The following CRACR2A variants were observed in gnomAD, a reference collection of about 807,000 sequenced individuals.
CRACR2A encodes the protein EF-hand calcium-binding domain-containing protein 4B.
A neutral mutation model predicts 90.5 loss-of-function variants in CRACR2A; 79 were observed. That is an observed-to-expected ratio of 0.87 (90% CI 0.73 to 1.05). CRACR2A has a LOEUF of 1.05. CRACR2A is among the 50% of genes least tolerant of loss of function. The pLI is 0.00. For missense variants in CRACR2A, 823 were observed against 897.2 expected, an observed-to-expected ratio of 0.92 and a Z score of 1.06; for synonymous variants, 338 against 356.7, an observed-to-expected ratio of 0.95 and a Z score of 0.59.
intron 11 of CRACR2A, among the ~76,000 whole-genome samples, chr12:3,646,260 G>A (rs73047209): frequency 0.034 from 5,104 of 152,308 alleles, 110 homozygotes; most frequent in Middle Eastern, 0.11. Flanking sequence ...GAGGTGGAGA[G>A]GGCAGGCCAG....
chr12:3,632,558 C>T lies in CRACR2A; in HGVS notation c.1735+1046G>A, dbSNP rs563385689. Among the ~76,000 whole-genome samples the T allele has an allele frequency of 9.9e-4, 150 of 152,280 alleles. 1 individual carries two copies. The highest frequency in any genetic ancestry group is 1.9e-3 in the Non-Finnish European group (128 of 68,030). ...CTCCAGAGGCAGAAAAGCATCTTCA[C>T]CTCTCATGGGGTGCTAAGTGCATAC... On this transcript the variant is annotated intron_variant, in intron 15 of 19. Transcript: ENST00000440314.
intron 19 of CRACR2A, 89 bp downstream of exon 19, chr12:3,616,865 G>T: frequency 9.6e-7 from 1 of 1,038,042 alleles, no homozygotes; most frequent in South Asian, 1.4e-5. Flanking sequence ...TCAGAGGTGT[G>T]GCCTGGGTGG....
chr12:3,664,349 T>C (rs1945090027), intron 7 of CRACR2A, among the ~76,000 whole-genome samples: 1 of 152,248 alleles, frequency 6.6e-6, no homozygotes, highest in Non-Finnish European at 1.5e-5. Context: ...TATTCATTGA[T>C]GGCTTCAAAT....
intron 2 of CRACR2A, among the ~76,000 whole-genome samples, chr12:3,718,293 CCT>C (rs1294065446): frequency 2.6e-5 from 4 of 152,354 alleles, no homozygotes; most frequent in Non-Finnish European, 4.4e-5. Flanking sequence ...GGGCATCCTT[CCT>C]CTTTTTGCAT....
At chr12:3,630,414 C>T (rs61907752) in intron 15 of CRACR2A, among the ~76,000 whole-genome samples, 42,447 of 151,940 alleles carry the variant, frequency 0.28, 6,225 homozygotes, top group South Asian at 0.37. Flanking sequence ...TGGAGAAATA[C>T]CCTAGGGGGC....
chr12:3,616,025 C>G (rs558665662), intron 19 of CRACR2A, among the ~76,000 whole-genome samples: 1 of 152,218 alleles, frequency 6.6e-6, no homozygotes, highest in East Asian at 1.9e-4. Flanking sequence ...TTTTGCGTTA[C>G]GCACCTCCTT....
At chr12:3,660,197 T>C (rs1192045675) in intron 7 of CRACR2A, among the ~76,000 whole-genome samples, 1 of 152,192 alleles carries the variant, frequency 6.6e-6, no homozygotes, top group Non-Finnish European at 1.5e-5. Context: ...TGCCTGAGTT[T>C]GTGTGATCCA....
chr12:3,735,103 TG>T (rs1331625134), intron 1 of CRACR2A, among the ~76,000 whole-genome samples: 2 of 152,234 alleles, frequency 1.3e-5, no homozygotes, highest in African/African-American at 2.4e-5. Flanking sequence ...TTGAATTCTA[TG>T]TTAACCAACT....
intron 4 of CRACR2A, among the ~76,000 whole-genome samples, chr12:3,692,523 G>A (rs1945666920): frequency 1.3e-5 from 2 of 151,146 alleles, no homozygotes; most frequent in South Asian, 4.2e-4. Flanking sequence ...GTGGGGGTGG[G>A]GTTGGGGGTG....
At chr12:3,645,246 T>TA (rs1323009829) in intron 11 of CRACR2A, among the ~76,000 whole-genome samples, 1 of 152,174 alleles carries the variant, frequency 6.6e-6, no homozygotes, top group African/African-American at 2.4e-5. Context: ...ACGCCCTCAC[T>TA]AATAAGACAG....
At chr12:3,666,327 C>CTGCG (rs1555112034) in intron 7 of CRACR2A, among the ~76,000 whole-genome samples, 7 of 57,892 alleles carry the variant, frequency 1.2e-4, no homozygotes, top group African/African-American at 6.5e-4. Flanking sequence ...TAAAGGACGG[C>CTGCG]TGCGTGTGTG....
intron 18 of CRACR2A, 38 bp from the exon 19 acceptor site, chr12:3,617,068 A>G: frequency 6.8e-7 from 1 of 1,476,478 alleles, no homozygotes. Flanking sequence ...AGAGTATTGG[A>G]GTGAGAGGGG....
intron 1 of CRACR2A, among the ~76,000 whole-genome samples, chr12:3,749,549 C>G (rs1005795175): frequency 2.6e-5 from 4 of 152,292 alleles, no homozygotes; most frequent in Non-Finnish European, 5.9e-5. Context: ...TACAGCCATC[C>G]TCTCCTTTCC....
At chr12:3,741,168 T>C (rs73249724) in intron 1 of CRACR2A, among the ~76,000 whole-genome samples, 23,864 of 152,180 alleles carry the variant, frequency 0.16, 2,072 homozygotes, top group African/African-American at 0.2. Context: ...GTTCCCACTC[T>C]ATTTCAGGGG....
At chr12:3,618,354 T>C (rs1414923739) in intron 18 of CRACR2A, among the ~76,000 whole-genome samples, 1 of 152,208 alleles carries the variant, frequency 6.6e-6, no homozygotes, top group East Asian at 1.9e-4. Flanking sequence ...CAGTGAAACC[T>C]TTGACTATTC....
intron 7 of CRACR2A, 136 bp downstream of exon 7, chr12:3,673,310 G>C: frequency 3.9e-6 from 4 of 1,029,174 alleles, no homozygotes; most frequent in Non-Finnish European, 5.7e-6. Flanking sequence ...ACAGACACAG[G>C]GCCTGGTCCC....
chr12:3,621,788 G>A (rs115541728), intron 17 of CRACR2A, among the ~76,000 whole-genome samples: 1,678 of 148,720 alleles, frequency 0.011, 42 homozygotes, highest in African/African-American at 0.039. Flanking sequence ...TCTTTGTATT[G>A]TTCCTCTCTT....
At chr12:3,685,021 C>T (rs1195771446) in intron 4 of CRACR2A, among the ~76,000 whole-genome samples, 3 of 152,244 alleles carry the variant, frequency 2.0e-5, no homozygotes, top group Non-Finnish European at 2.9e-5. Context: ...CACCTGCCTA[C>T]GGCCCCCTGA....
chr12:3,721,466 T>C (rs1283535942), intron 2 of CRACR2A, among the ~76,000 whole-genome samples: 1 of 151,508 alleles, frequency 6.6e-6, no homozygotes, highest in Non-Finnish European at 1.5e-5. Flanking sequence ...CAGTGGTACA[T>C]GCCTGTAGTC....
Sources: gnomAD v4.1 joint callset for allele counts (sites outside exome capture counted in the v4.1 genomes callset) on GRCh38, gnomAD v4.1.1 for gene constraint, MANE v1.5 for transcripts, NCBI Gene and HGNC (gene_info 2026-07-23, HGNC 2026-07-21) for gene names.